Variants in DOCK2 observed in about 807,000 individuals in gnomAD.
DOCK2 encodes dedicator of cytokinesis 2, also known as dedicator of cytokinesis protein 2.
A neutral mutation model predicts 248.9 loss-of-function variants in DOCK2; 87 were observed. The observed-to-expected ratio is 0.35, with a 90% CI of 0.29 to 0.42. The LOEUF (loss-of-function observed/expected upper bound fraction) is 0.42. DOCK2 is among the 10% of genes least tolerant of loss of function. The pLI, the probability that DOCK2 is intolerant of heterozygous loss-of-function variation, is 1.00. For missense variants in DOCK2, 1,747 were observed against 2,300.2 expected, an observed-to-expected ratio of 0.76 and a Z score of 4.92; for synonymous variants, 805 against 821.6, an observed-to-expected ratio of 0.98 and a Z score of 0.35.
chr5:169,829,478 T>C (rs1427916500), intron 26 of DOCK2, among the ~76,000 whole-genome samples: 1 of 152,216 alleles, frequency 6.6e-6, no homozygotes, highest in Non-Finnish European at 1.5e-5. Flanking sequence ...ATAGCTCATG[T>C]ACCCCCATTT....
rs117090788 is a variant in DOCK2 at position 169,859,155 on chromosome 5, C to T, written c.2799+18303C>T. ...GTGGAGAGGCACGCTGACCTGAGAACTTGGCTTAGTCTGGCAATGAGAGAA... is the reference window on the plus strand; with the variant it reads ...GTGGAGAGGCACGCTGACCTGAGAATTTGGCTTAGTCTGGCAATGAGAGAA... On this transcript the variant is annotated intron_variant, in intron 27 of 51. Coordinates refer to ENST00000520908, the MANE Select transcript of DOCK2 (RefSeq NM_004946.3). Among the ~76,000 whole-genome samples, 99 of 152,290 alleles carry T rather than the reference C, an allele frequency of 6.5e-4. 2 individuals are homozygous for T. In the East Asian group the frequency reaches 0.017, roughly 27 times the overall value.
At chr5:170,035,084 G>C (rs1756276567) in intron 35 of DOCK2, among the ~76,000 whole-genome samples, 1 of 152,162 alleles carries the variant, frequency 6.6e-6, no homozygotes, top group African/African-American at 2.4e-5. Context: ...CTGTTACTAT[G>C]AACCAGGTTA....
intron 27 of DOCK2, among the ~76,000 whole-genome samples, chr5:169,874,279 G>A (rs1297008224): frequency 6.6e-6 from 1 of 152,002 alleles, no homozygotes. Context: ...TGGGTGTGGT[G>A]GCGGGCACCT....
At chr5:169,699,293 C>A in intron 11 of DOCK2, 89 bp from the exon 12 acceptor site, 11 of 1,270,880 alleles carry the variant, frequency 8.7e-6, no homozygotes, top group Non-Finnish European at 1.2e-5. Context: ...TCACCTGAGG[C>A]GTGTGGAGGG....
rs138449894 is a variant in DOCK2, at chr5:169,826,289, T to A, written c.2704-14468T>A. 3.2e-3 allele frequency among the ~76,000 whole-genome samples: 481 copies of A among 152,288 alleles called. 3 individuals are homozygous for A. The highest frequency in any genetic ancestry group is 0.011 in the African/African-American group (444 of 41,562). On this transcript the variant is annotated intron_variant, in intron 26 of 51. Transcript: ENST00000520908. The stretch of plus-strand genomic sequence containing the variant: ...GGGGTAAGGTGGAAGTTTGGAGTGG[T>A]TGAGCTCCCAAAGATGATGACTGGG...
chr5:169,794,846 C>G (rs1178275860), intron 25 of DOCK2, among the ~76,000 whole-genome samples: 1 of 152,214 alleles, frequency 6.6e-6, no homozygotes, highest in Non-Finnish European at 1.5e-5. Context: ...TGGCATGAAC[C>G]TGGGAGGCGA....
intron 27 of DOCK2, among the ~76,000 whole-genome samples, chr5:169,856,592 G>T (rs1199206414): frequency 6.6e-6 from 1 of 152,098 alleles, no homozygotes; most frequent in African/African-American, 2.4e-5. Flanking sequence ...AGCTACTGAA[G>T]GTATATTGTT....
chr5:169,871,241 T>G, intron 27 of DOCK2, among the ~76,000 whole-genome samples: 1 of 152,210 alleles, frequency 6.6e-6, no homozygotes, highest in East Asian at 1.9e-4. Context: ...ACCTAGTCCT[T>G]TGATTTTTCT....
chr5:169,778,719 A>G (rs1045059651), intron 25 of DOCK2, among the ~76,000 whole-genome samples: 4 of 152,228 alleles, frequency 2.6e-5, no homozygotes. Context: ...AAGGAATGTT[A>G]GCAACCAGCT....
intron 18 of DOCK2, 59 bp from the exon 19 acceptor site, chr5:169,714,301 T>G: frequency 6.2e-7 from 1 of 1,611,756 alleles, no homozygotes; most frequent in Non-Finnish European, 8.5e-7. Flanking sequence ...CCCAAGGAGG[T>G]CCTGATATGG....
At chr5:169,670,742 C>T (rs530291338) in intron 4 of DOCK2, 145 bp downstream of exon 4, 10 of 955,248 alleles carry the variant, frequency 1.0e-5, no homozygotes, top group South Asian at 6.5e-5. Flanking sequence ...GTCTCCTTTC[C>T]GTTACTCAAT....
chr5:169,879,222 C>CA (rs1340059620), intron 27 of DOCK2, among the ~76,000 whole-genome samples: 3 of 152,200 alleles, frequency 2.0e-5, no homozygotes, highest in African/African-American at 7.2e-5. Flanking sequence ...TGTACAGTGA[C>CA]ATGCACTGAG....
intron 1 of DOCK2, among the ~76,000 whole-genome samples, chr5:169,646,805 A>G (rs1477864282): frequency 6.6e-6 from 1 of 152,246 alleles, no homozygotes; most frequent in African/African-American, 2.4e-5. Flanking sequence ...TATTTAGTAA[A>G]CAAATACAAT....
intron 22 of DOCK2, among the ~76,000 whole-genome samples, chr5:169,746,737 G>A (rs1763636984): frequency 6.6e-6 from 1 of 152,152 alleles, no homozygotes; most frequent in Non-Finnish European, 1.5e-5. Context: ...ATTATTATAG[G>A]CATTGAAAGT....
At chr5:169,923,854 C>T (rs1338181148) in intron 27 of DOCK2, among the ~76,000 whole-genome samples, 1 of 152,166 alleles carries the variant, frequency 6.6e-6, no homozygotes, top group Non-Finnish European at 1.5e-5. Context: ...GAATTTTATC[C>T]TGCAGGCCTC....
intron 27 of DOCK2, among the ~76,000 whole-genome samples, chr5:169,871,596 C>T (rs1289760142): frequency 6.6e-6 from 1 of 152,142 alleles, no homozygotes; most frequent in Non-Finnish European, 1.5e-5. Flanking sequence ...AGTCAGAATC[C>T]GAACCCTGAC....
intron 22 of DOCK2, among the ~76,000 whole-genome samples, chr5:169,719,960 A>C (rs1231441146): frequency 6.6e-6 from 1 of 152,184 alleles, no homozygotes; most frequent in East Asian, 1.9e-4. Context: ...TGTGATCATG[A>C]CAATGGATGG....
At chr5:170,020,012 TC>T (rs1481723894) in intron 33 of DOCK2, among the ~76,000 whole-genome samples, 2 of 152,142 alleles carry the variant, frequency 1.3e-5, no homozygotes, top group African/African-American at 4.8e-5. Context: ...AAACTGCCTT[TC>T]CTTAAGATCC....
intron 27 of DOCK2, among the ~76,000 whole-genome samples, chr5:169,856,330 T>A (rs886881747): frequency 3.9e-5 from 6 of 152,216 alleles, no homozygotes; most frequent in African/African-American, 1.2e-4. Context: ...ACTAGGGTAG[T>A]GTCTGCACTG....
Sources: gnomAD v4.1 joint callset for allele counts (sites outside exome capture counted in the v4.1 genomes callset) on GRCh38, gnomAD v4.1.1 for gene constraint, MANE v1.5 for transcripts, NCBI Gene and HGNC (gene_info 2026-07-23, HGNC 2026-07-21) for gene names.